ANKRD30B: variants seen among roughly 807,000 people sequenced by gnomAD.
ANKRD30B encodes the protein ankyrin repeat domain-containing protein 30B.
In ANKRD30B, 144 loss-of-function variants were observed where a neutral mutation model predicts 202.2. The ratio of observed to expected loss-of-function variants is 0.71; its 90% CI spans 0.62 to 0.82. ANKRD30B has a LOEUF of 0.82. ANKRD30B is among the 40% of genes least tolerant of loss of function. ANKRD30B has a pLI of 0.00. For synonymous variants in ANKRD30B, 508 were observed against 561.3 expected, an observed-to-expected ratio of 0.91 and a Z score of 1.34; for missense variants, 1,487 against 1,669.1, an observed-to-expected ratio of 0.89 and a Z score of 1.90.
chr18:14,793,825 T>C (rs1411917779), intron 16 of ANKRD30B, among the ~76,000 whole-genome samples: 1 of 149,040 alleles, frequency 6.7e-6, no homozygotes, highest in Non-Finnish European at 1.5e-5. Flanking sequence ...ACCCGGGAGG[T>C]GGAGCTTGTA....
chr18:14,750,248 C>A (rs115501797), intron 1 of ANKRD30B, among the ~76,000 whole-genome samples: 1,712 of 151,840 alleles, frequency 0.011, 32 homozygotes, highest in African/African-American at 0.039. Context: ...AACAGAAAAC[C>A]CTCTAATTTA....
At chr18:14,935,312 G>A in the ANKRD30B span, among the ~76,000 whole-genome samples, 1 of 152,216 alleles carries the variant, frequency 6.6e-6, no homozygotes, top group Admixed American at 6.5e-5. Context: ...GCTTTCCGGT[G>A]TATTCTTTTT....
At chr18:14,910,526 A>T in the ANKRD30B span, among the ~76,000 whole-genome samples, 1 of 151,014 alleles carries the variant, frequency 6.6e-6, no homozygotes, top group Non-Finnish European at 1.5e-5. Flanking sequence ...CCAGCCCTCC[A>T]TTGATGGACA....
At chr18:14,902,972 T>C in the ANKRD30B span, among the ~76,000 whole-genome samples, 1 of 152,192 alleles carries the variant, frequency 6.6e-6, no homozygotes, top group Non-Finnish European at 1.5e-5. Flanking sequence ...TACTACCAAC[T>C]TGGTGATTTA....
At chr18:14,809,305 TA>T (rs1197857242) in intron 26 of ANKRD30B, among the ~76,000 whole-genome samples, 1 of 150,872 alleles carries the variant, frequency 6.6e-6, no homozygotes, top group Non-Finnish European at 1.5e-5. Flanking sequence ...AACAGAGCCT[TA>T]AAAAAGAAAC....
rs9676225 is a variant in ANKRD30B at position 14,851,757 on chromosome 18, G to T, written c.3813G>T (p.Thr1271=). 20 of 1,460,318 alleles carry T rather than the reference G, an allele frequency of 1.4e-5. 1 individual carries two copies. The highest frequency in any genetic ancestry group is 1.9e-5 in the Non-Finnish European group (20 of 1,061,264). The allele number at this position is 1,460,318 out of a possible 1,614,324, so 90.5% of individuals were successfully genotyped here. The part of the protein sequence containing the change: ...SQYREQLKVL[T]AENTMLTSKL... ...ATAGAGAGCAGCTTAAAGTTCTGAC[G>T]GCAGAGAACACGATGCTGACTTCTA... The change falls in exon 42 of 44, where the codon ACG becomes ACT. Residue 1271 remains threonine (T), a synonymous_variant. Coordinates refer to ENST00000690538, the MANE Select transcript of ANKRD30B (RefSeq NM_001367607.2).
the ANKRD30B span, among the ~76,000 whole-genome samples, chr18:14,894,042 C>T: frequency 2.0e-5 from 3 of 152,024 alleles, no homozygotes; most frequent in Non-Finnish European, 4.4e-5. Flanking sequence ...ACCATTTAGC[C>T]TTGCCAGCAA....
Position 14,754,962 on chromosome 18 carries a change from C to A in ANKRD30B, c.574C>A (p.Leu192Ile). Residue 192 changes from leucine (L) to isoleucine (I), a missense_variant, in exon 4 of 44, where the codon CTA becomes ATA. This residue lies in a region of ANKRD30B where 889 missense variants were observed against 841.4 expected (regional missense o/e 1.06). Coordinates refer to ENST00000690538, the MANE Select transcript of ANKRD30B (RefSeq NM_001367607.2). Reference sequence around the variant, plus strand: ...AAGCAAGCAAACTGTGGAATTTTTACTAACAAAAAATGCAAATGCAAACGC... The same window carrying A: ...AAGCAAGCAAACTGTGGAATTTTTAATAACAAAAAATGCAAATGCAAACGC... ...KRSKQTVEFL[L>I]TKNANANAFN... The A allele has an allele frequency of 6.4e-7, 1 of 1,550,418 alleles. No individual in the cohort carries two copies. The highest frequency in any genetic ancestry group is 8.7e-7 in the Non-Finnish European group (1 of 1,147,024).
intron 15 of ANKRD30B, among the ~76,000 whole-genome samples, chr18:14,790,960 C>T (rs535816114): frequency 1.3e-4 from 20 of 152,210 alleles, no homozygotes; most frequent in African/African-American, 4.1e-4. Context: ...AGTTTCAGAA[C>T]GAATGGTACC....
At chr18:14,911,164 C>T in the ANKRD30B span, among the ~76,000 whole-genome samples, 1 of 151,998 alleles carries the variant, frequency 6.6e-6, no homozygotes, top group Non-Finnish European at 1.5e-5. Flanking sequence ...GTTGCACTTG[C>T]TTTTGAGGAC....
intron 24 of ANKRD30B, among the ~76,000 whole-genome samples, chr18:14,804,443 A>C (rs1202760179): frequency 7.0e-6 from 1 of 142,632 alleles, no homozygotes; most frequent in Non-Finnish European, 1.5e-5. Context: ...ATAGACCGTA[A>C]GTTTTCAAAC....
the ANKRD30B span, among the ~76,000 whole-genome samples, chr18:14,905,260 A>G: frequency 6.6e-6 from 1 of 152,132 alleles, no homozygotes; most frequent in Non-Finnish European, 1.5e-5. Flanking sequence ...CTATTCCTTT[A>G]CCTTCACTTT....
intron 18 of ANKRD30B, 52 bp downstream of exon 18, chr18:14,796,467 T>A: frequency 6.7e-7 from 1 of 1,495,038 alleles, no homozygotes; most frequent in Non-Finnish European, 8.9e-7. Flanking sequence ...TTAAACTATT[T>A]GAAATGCCGA....
At chr18:14,910,589 C>T in the ANKRD30B span, among the ~76,000 whole-genome samples, 3 of 151,508 alleles carry the variant, frequency 2.0e-5, no homozygotes, top group Admixed American at 6.6e-5. Context: ...CATAAACATA[C>T]AAGAGCAAGT....
intron 39 of ANKRD30B, among the ~76,000 whole-genome samples, chr18:14,847,002 C>G (rs1261506109): frequency 7.2e-6 from 1 of 138,012 alleles, no homozygotes; most frequent in Non-Finnish European, 1.6e-5. Flanking sequence ...CTGTTTTGTT[C>G]TTTTATTGCT....
chr18:14,761,205 TCCTGCAGATC>T (rs1347523746), intron 6 of ANKRD30B, among the ~76,000 whole-genome samples: 1 of 152,154 alleles, frequency 6.6e-6, no homozygotes, highest in Non-Finnish European at 1.5e-5. Context: ...CGGGGGTCTA[TCCTGCAGATC>T]CCGGCTGCAT....
At chr18:14,845,514 T>C (rs1971601842) in intron 39 of ANKRD30B, among the ~76,000 whole-genome samples, 2 of 151,766 alleles carry the variant, frequency 1.3e-5, no homozygotes, top group South Asian at 2.1e-4. Context: ...TAATGTCACA[T>C]TAACTCATTT....
At chr18:14,783,575 A>G (rs1331863068) in intron 12 of ANKRD30B, among the ~76,000 whole-genome samples, 3 of 152,296 alleles carry the variant, frequency 2.0e-5, no homozygotes, top group African/African-American at 7.2e-5. Flanking sequence ...AACTAAAAAA[A>G]TACTGAATTT....
chr18:14,761,004 A>C (rs2143707632), intron 6 of ANKRD30B, among the ~76,000 whole-genome samples: 1 of 152,242 alleles, frequency 6.6e-6, no homozygotes, highest in African/African-American at 2.4e-5. Flanking sequence ...CCTTGGTGTG[A>C]TTGATGAGCT....
Sources: allele counts gnomAD v4.1 joint callset (sites outside exome capture counted in the v4.1 genomes callset), GRCh38; gene constraint gnomAD v4.1.1; regional missense constraint gnomAD v4.1.1; transcripts MANE v1.5; gene names NCBI Gene and HGNC (gene_info 2026-07-23, HGNC 2026-07-21).